The following LTV1 variants were observed in gnomAD, a reference collection of about 807,000 sequenced individuals.
The protein encoded by LTV1 is LTV1 ribosome biogenesis factor.
Under a neutral mutation model 59.9 loss-of-function variants are expected in LTV1, and 39 were observed. The observed-to-expected ratio is 0.65, with a 90% CI of 0.50 to 0.85. The LOEUF (loss-of-function observed/expected upper bound fraction) is 0.85. Among genes scored for constraint, LTV1 ranks in the 40% least tolerant of loss-of-function variants. The probability of loss-of-function intolerance (pLI) is 0.00; values close to 1 mark genes in which losing one functional copy is unlikely to be tolerated. For missense variants in LTV1, 493 were observed against 549.1 expected, an observed-to-expected ratio of 0.90 and a Z score of 1.02; for synonymous variants, 171 against 189.5, an observed-to-expected ratio of 0.90 and a Z score of 0.80.
In LTV1 at chr6:143,862,288, A is replaced by G. The variant is rs760408387; in HGVS notation, c.1063+45A>G. ...GATAGTAATTTTAAAGTATTAAAGTATATCAACTTTAGGCTGGGTGCGGTG... is the reference window on the plus strand; with the variant it reads ...GATAGTAATTTTAAAGTATTAAAGTGTATCAACTTTAGGCTGGGTGCGGTG... On this transcript the variant is annotated intron_variant, in intron 8 of 10. Transcript: ENST00000367576. This position sits in a 1 kb window ranked among gnomAD's most constrained non-coding sequence, Gnocchi z 4.2. The G allele has an allele frequency of 1.5e-5, 24 of 1,562,272 alleles. No homozygotes were observed. The highest frequency in any genetic ancestry group is 8.0e-5 in the South Asian group (7 of 87,988).
In LTV1 at chr6:143,845,928, A is replaced by G. The variant is rs1776881840; in HGVS notation, c.136-123A>G. 9 of 805,424 alleles carry G rather than the reference A, an allele frequency of 1.1e-5. No homozygotes were observed. The South Asian group carries it at 2.0e-4, about 18-fold the overall frequency. 49.9% of individuals were successfully genotyped at this position (805,424 alleles called of 1,614,324 possible). Reference sequence around the variant, plus strand: ...CCATCAGCCAAAATGTTCATGTGCCATCTGCCTCCTACTTGGAAAGCTGTA... The same window carrying G: ...CCATCAGCCAAAATGTTCATGTGCCGTCTGCCTCCTACTTGGAAAGCTGTA... On this transcript the variant is annotated intron_variant, in intron 2 of 10. Coordinates refer to ENST00000367576, the MANE Select transcript of LTV1 (RefSeq NM_032860.5).
Position 143,844,497 on chromosome 6 carries a change from GA to G in LTV1, c.20del (p.Lys7SerfsTer4), listed in dbSNP as rs1562328244. MPHRK[K>X]KPFIEKKKAV... ...TTGTTCCTTTGAAGCCTCACAGGAA[GA>G]AAAAGCCCTTTATAGAGAAGAAGAA... On this transcript the variant is annotated frameshift_variant, in exon 2 of 11. Coordinates refer to ENST00000367576, the MANE Select transcript of LTV1 (RefSeq NM_032860.5). LOFTEE classifies it high-confidence loss of function. The G allele has an allele frequency of 6.2e-7, 1 of 1,613,174 alleles. No homozygotes were observed. Among genetic ancestry groups the G allele is most frequent in the Non-Finnish European group, 8.5e-7 (1 of 1,179,750 alleles).
chr6:143,846,297 G>T, intron 3 of LTV1, 73 bp downstream of exon 3: 1 of 1,399,446 alleles, frequency 7.1e-7, no homozygotes, highest in East Asian at 2.3e-5. Flanking sequence ...ATCTGTTTGG[G>T]GCAAGAAATG....
In LTV1 at chr6:143,855,040, G is replaced by A. The variant is rs546371066; in HGVS notation, c.398-2263G>A. Among the ~76,000 whole-genome samples the A allele has an allele frequency of 6.6e-5, 10 of 152,286 alleles. No homozygotes were observed. The highest frequency in any genetic ancestry group is 2.2e-4 in the African/African-American group (9 of 41,550). On this transcript the variant is annotated intron_variant, in intron 4 of 10. Coordinates refer to ENST00000367576, the MANE Select transcript of LTV1 (RefSeq NM_032860.5). This position sits in a 1 kb window ranked among gnomAD's most constrained non-coding sequence, Gnocchi z 4.6. ...CTCGTTGATCTGTCTAATATTGACA[G>A]TGGGGTGTTAAAGTCTCCCATTATT...
At chr6:143,861,382 C>CTGAGAT (rs1777161753) in intron 7 of LTV1, among the ~76,000 whole-genome samples, 2 of 150,998 alleles carry the variant, frequency 1.3e-5, no homozygotes, top group African/African-American at 4.9e-5. Flanking sequence ...TTGCAGTGAG[C>CTGAGAT]TGAGATAGCA....
intron 7 of LTV1, among the ~76,000 whole-genome samples, chr6:143,861,886 C>T: frequency 6.6e-6 from 1 of 152,092 alleles, no homozygotes; most frequent in Non-Finnish European, 1.5e-5. Context: ...CTAGATGTTA[C>T]CTTCCTATCA....
Position 143,855,543 on chromosome 6 carries a change from G to A in LTV1, c.398-1760G>A, listed in dbSNP as rs944357996. ...TATGCAGTTTCTTCTTAGTATCGATGGTCTTTACTGTTTGGTACGTTTTGC... is the reference window on the plus strand; with the variant it reads ...TATGCAGTTTCTTCTTAGTATCGATAGTCTTTACTGTTTGGTACGTTTTGC... On this transcript the variant is annotated intron_variant, in intron 4 of 10. Coordinates refer to ENST00000367576, the MANE Select transcript of LTV1 (RefSeq NM_032860.5). This position sits in a 1 kb window ranked among gnomAD's most constrained non-coding sequence, Gnocchi z 4.6. Among the ~76,000 whole-genome samples the A allele has an allele frequency of 1.3e-5, 2 of 152,092 alleles. No individual in the cohort carries two copies. The highest frequency in any genetic ancestry group is 2.9e-5 in the Non-Finnish European group (2 of 68,020).
chr6:143,858,239 T>C (rs1009735178), intron 6 of LTV1: 16 of 483,130 alleles, frequency 3.3e-5, no homozygotes, highest in African/African-American at 1.5e-4. Flanking sequence ...AGAAGAAGAG[T>C]AATTGGTTAG....
rs1777215488 is a variant in LTV1, at chr6:143,863,723, A to G, written c.*196A>G. On this transcript the variant is annotated 3_prime_UTR_variant, in exon 11 of 11. Coordinates refer to ENST00000367576, the MANE Select transcript of LTV1 (RefSeq NM_032860.5). The surrounding 1 kb of genome is among the most constrained non-coding windows in gnomAD (Gnocchi z 4.5). ...AAATATTGTAATACTTTAATTTTTA[A>G]TATTATAAGCTTACATTTGCTCTGA... 2.3e-6 allele frequency: 1 copy of G among 428,188 alleles called. No homozygotes were observed. The highest frequency in any genetic ancestry group is 4.2e-6 in the Non-Finnish European group (1 of 236,970). 26.5% of individuals were successfully genotyped at this position (428,188 alleles called of 1,614,324 possible). A position where few individuals can be genotyped will look rare whatever the true frequency, so the allele number is the denominator to read the frequency against.
At chr6:143,851,191 G>A (rs957468108) in intron 4 of LTV1, among the ~76,000 whole-genome samples, 27 of 152,182 alleles carry the variant, frequency 1.8e-4, no homozygotes, top group Non-Finnish European at 3.5e-4. Context: ...ATGTAGCAGA[G>A]GGTGTTGGAG....
Position 143,863,133 on chromosome 6 carries a change from C to G in LTV1, c.1164C>G (p.Val388=). 1 of 1,613,904 alleles carries G rather than the reference C, an allele frequency of 6.2e-7. No homozygotes were observed. Among genetic ancestry groups the G allele is most frequent in the Non-Finnish European group, 8.5e-7 (1 of 1,179,900 alleles). The change falls in exon 10 of 11, where the codon GTC becomes GTG. Residue 388 remains valine (V), a synonymous_variant. Transcript: ENST00000367576. This position sits in a 1 kb window ranked among gnomAD's most constrained non-coding sequence, Gnocchi z 4.5. The stretch of plus-strand genomic sequence containing the variant: ...CTAAAACAGGAATACCTCTCAATGT[C>G]TTACCAAAGAAAGGACTCACAGCAA... ...ISSKTGIPLN[V]LPKKGLTAKQ... is the part of the protein sequence containing the mutation.
At chr6:143,851,650 C>T (rs915695176) in intron 4 of LTV1, among the ~76,000 whole-genome samples, 17 of 151,768 alleles carry the variant, frequency 1.1e-4, no homozygotes, top group African/African-American at 3.1e-4. Flanking sequence ...TAGGTATACA[C>T]GTCATGGTGG....
In LTV1 at chr6:143,857,581, A is replaced by C; in HGVS notation, c.539+137A>C. On this transcript the variant is annotated intron_variant, in intron 5 of 10. Transcript: ENST00000367576. This position sits in a 1 kb window ranked among gnomAD's most constrained non-coding sequence, Gnocchi z 5.2. ...GAGACTTCTGTATTTTAGAGCAGAAAATGTGAGATTCATTGCTTTTCCTAC... is the reference window on the plus strand; with the variant it reads ...GAGACTTCTGTATTTTAGAGCAGAACATGTGAGATTCATTGCTTTTCCTAC... 3 of 1,098,194 alleles carry C rather than the reference A, an allele frequency of 2.7e-6. No homozygotes were observed. The highest frequency in any genetic ancestry group is 4.0e-6 in the Non-Finnish European group (3 of 747,684). 68.0% of individuals were successfully genotyped at this position (1,098,194 alleles called of 1,614,324 possible).
At chr6:143,856,957 G>T (rs931458256) in intron 4 of LTV1, among the ~76,000 whole-genome samples, 1 of 152,246 alleles carries the variant, frequency 6.6e-6, no homozygotes, top group Non-Finnish European at 1.5e-5. Flanking sequence ...CAGAGCTTGA[G>T]CACTGTGCCG....
chr6:143,862,885 T>C lies in LTV1; in HGVS notation c.1105T>C (p.Tyr369His), dbSNP rs149302901. Reference protein sequence around the residue: ...NLYNHPQLIKYQPKPKQIRIS... With the variant: ...NLYNHPQLIKHQPKPKQIRIS... ...ATATAACCATCCACAGCTTATCAAG[T>C]ATCAACCAAAGGTAAGTCCTAGTGT... Residue 369 changes from tyrosine to histidine, a missense_variant, in exon 9 of 11, where the codon TAT (tyrosine) becomes CAT (histidine). By Grantham distance (83) the Tyr-to-His change is moderately conservative. Coordinates refer to ENST00000367576, the MANE Select transcript of LTV1 (RefSeq NM_032860.5). This position sits in a 1 kb window ranked among gnomAD's most constrained non-coding sequence, Gnocchi z 4.2. 2 of 1,596,464 alleles carry C rather than the reference T, an allele frequency of 1.3e-6. No individual in the cohort carries two copies. Among genetic ancestry groups the C allele is most frequent in the African/African-American group, 1.3e-5 (1 of 74,474 alleles).
chr6:143,844,834 C>T (rs1404918669), intron 2 of LTV1, among the ~76,000 whole-genome samples: 1 of 151,994 alleles, frequency 6.6e-6, no homozygotes, highest in Non-Finnish European at 1.5e-5. Flanking sequence ...AATTGTTAGC[C>T]AGCTGTTATT....
At position 143,857,891 on chromosome 6, in the gene LTV1, G is replaced by A; in HGVS notation, c.679G>A (p.Ala227Thr). 1.2e-6 allele frequency: 2 copies of A among 1,614,128 alleles called. No individual in the cohort carries two copies. Among genetic ancestry groups the A allele is most frequent in the Non-Finnish European group, 1.7e-6 (2 of 1,180,020 alleles). ...SVPGKTHRAI[A>T]DHLFWSEETK... ...GCCCGGAAAAACTCACAGAGCTATA[G>A]CAGATCACTTGTTCTGGAGTGAGGA... The change falls in exon 6 of 11, where the codon GCA becomes ACA. Residue 227 changes from alanine (A) to threonine (T), a missense_variant. Coordinates refer to ENST00000367576, the MANE Select transcript of LTV1 (RefSeq NM_032860.5). This position sits in a 1 kb window ranked among gnomAD's most constrained non-coding sequence, Gnocchi z 5.2.
In LTV1 at chr6:143,862,825, CTTTTA is replaced by C; in HGVS notation, c.1064-15_1064-11del. 6.8e-7 allele frequency: 1 copy of C among 1,462,934 alleles called. No individual in the cohort carries two copies. 90.6% of individuals were successfully genotyped at this position (1,462,934 alleles called of 1,614,324 possible). A position where few individuals can be genotyped will look rare whatever the true frequency, so the allele number is the denominator to read the frequency against. On this transcript the variant is annotated splice_polypyrimidine_tract_variant and intron_variant, in intron 8 of 10. Transcript: ENST00000367576. This position sits in a 1 kb window ranked among gnomAD's most constrained non-coding sequence, Gnocchi z 4.2. ...TGAAAACATGCTTACTGATACATGA[CTTTTA>C]TTTGTTTGTTTAGGTACATACTCAA...
At chr6:143,853,923 G>A (rs2128491570) in intron 4 of LTV1, among the ~76,000 whole-genome samples, 1 of 152,206 alleles carries the variant, frequency 6.6e-6, no homozygotes, top group South Asian at 2.1e-4. Context: ...TTTTTTTGTT[G>A]TGTCTCTGCC....
Sources: gnomAD v4.1 joint callset for allele counts (sites outside exome capture counted in the v4.1 genomes callset) on GRCh38, gnomAD v4.1.1 for gene constraint, Gnocchi (gnomAD v3.1) non-coding constraint, MANE v1.5 for transcripts, NCBI Gene and HGNC (gene_info 2026-07-23, HGNC 2026-07-21) for gene names.